Variants in ETV1 observed in about 807,000 individuals in gnomAD.
ETV1 encodes the protein ETS translocation variant 1.
In ETV1, 27 loss-of-function variants were observed where a neutral mutation model predicts 62.3. The ratio of observed to expected loss-of-function variants is 0.43; its 90% confidence interval spans 0.32 to 0.60. The LOEUF (loss-of-function observed/expected upper bound fraction) is 0.60, where lower values mean the gene tolerates loss of function less well. Among genes scored for constraint, ETV1 ranks in the 20% least tolerant of loss-of-function variants. The pLI is 0.06. For synonymous variants in ETV1, 222 were observed against 199.6 expected (o/e 1.11, Z -0.94); for missense variants, 605 against 605.8 (o/e 1.00, Z 0.01).
intron 13 of ETV1, 94 bp downstream of exon 13, chr7:13,900,644 C>T (rs1018130287): frequency 2.3e-6 from 2 of 876,478 alleles, no homozygotes; most frequent in African/African-American, 1.7e-5. Context: ...GAAAAACTCG[C>T]TTCAGCAATG....
At chr7:13,917,046 A>C (rs1784252856) in intron 9 of ETV1, among the ~76,000 whole-genome samples, 1 of 152,266 alleles carries the variant, frequency 6.6e-6, no homozygotes, top group Non-Finnish European at 1.5e-5. Context: ...TTAAGGCTAC[A>C]TGGCGAAAAA....
intron 8 of ETV1, among the ~76,000 whole-genome samples, chr7:13,932,916 C>T (rs1195716988): frequency 6.6e-6 from 1 of 152,164 alleles, no homozygotes; most frequent in East Asian, 1.9e-4. Context: ...TCTAAGAACA[C>T]TCCATCCTGT....
In ETV1 at chr7:13,895,976, T is replaced by C. The variant is rs1348279586; in HGVS notation, c.1324A>G (p.Ile442Val). Residue 442 changes from isoleucine to valine, a missense_variant, in exon 14 of 14, where the codon ATC (isoleucine) becomes GTC (valine). Ile to Val is a conservative substitution (Grantham distance 29, BLOSUM62 3). Around this residue, in one of 3 missense-constraint regions of ETV1, gnomAD observed 79 missense variants for 71.6 expected, o/e 1.10. Coordinates refer to ENST00000430479, the MANE Select transcript of ETV1 (RefSeq NM_004956.5). ...AGAGGCACTGTGTCCTCCTCGTTGATGTGACGTTCCATGTCTGTCTTCAGC... is the reference window on the plus strand; with the variant it reads ...AGAGGCACTGTGTCCTCCTCGTTGACGTGACGTTCCATGTCTGTCTTCAGC... ...PLLKTDMERH[I>V]NEEDTVPLSH... 6.2e-7 allele frequency: 1 copy of C among 1,613,770 alleles called. No individual in the cohort carries two copies. Among genetic ancestry groups the C allele is most frequent in the Admixed American group, 1.7e-5 (1 of 59,974 alleles).
chr7:13,932,091 C>T (rs1786256065), intron 8 of ETV1, among the ~76,000 whole-genome samples: 1 of 151,560 alleles, frequency 6.6e-6, no homozygotes. Context: ...GCTAAAATGC[C>T]TAGTTCTAAA....
chr7:13,927,127 C>G (rs563313139), intron 9 of ETV1, among the ~76,000 whole-genome samples: 1 of 152,202 alleles, frequency 6.6e-6, no homozygotes, highest in African/African-American at 2.4e-5. Context: ...GCCTTTGGAT[C>G]ATAGATGCTG....
intron 12 of ETV1, 29 bp downstream of exon 12, chr7:13,906,401 G>A (rs374550516): frequency 2.1e-6 from 3 of 1,428,580 alleles, no homozygotes; most frequent in Non-Finnish European, 2.8e-6. Context: ...ACATGTCTGA[G>A]TGTCCTAATT....
chr7:13,912,033 C>A (rs532590525), intron 9 of ETV1, among the ~76,000 whole-genome samples: 2 of 152,196 alleles, frequency 1.3e-5, no homozygotes, highest in Non-Finnish European at 2.9e-5. Flanking sequence ...AATAACTCTG[C>A]CATCAGCTCA....
At chr7:13,905,530 A>G (rs1412827049) in intron 12 of ETV1, among the ~76,000 whole-genome samples, 1 of 152,162 alleles carries the variant, frequency 6.6e-6, no homozygotes, top group Non-Finnish European at 1.5e-5. Flanking sequence ...AGCAGTCCAA[A>G]ATGCTATTGA....
intron 13 of ETV1, among the ~76,000 whole-genome samples, chr7:13,898,490 T>A (rs2128402987): frequency 6.6e-6 from 1 of 152,356 alleles, no homozygotes; most frequent in Admixed American, 6.5e-5. Flanking sequence ...TTCCTAATTT[T>A]GAAATAGAAG....
At chr7:13,945,764 GCGGTTTTC>G (rs1788087855) in intron 6 of ETV1, among the ~76,000 whole-genome samples, 3 of 152,162 alleles carry the variant, frequency 2.0e-5, no homozygotes, top group Non-Finnish European at 4.4e-5. Flanking sequence ...CTGCTAACAG[GCGGTTTTC>G]CAGTTCATTG....
At chr7:13,923,728 G>T (rs1785106347) in intron 9 of ETV1, among the ~76,000 whole-genome samples, 2 of 152,038 alleles carry the variant, frequency 1.3e-5, no homozygotes, top group African/African-American at 4.8e-5. Context: ...GGTGAATAAT[G>T]GATGGATTTT....
intron 11 of ETV1, chr7:13,907,792 C>T (rs551898439): frequency 4.9e-5 from 23 of 468,482 alleles, no homozygotes; most frequent in African/African-American, 4.2e-4. Context: ...CTAAAACTTA[C>T]CTATGGTCAG....
At chr7:13,986,453 G>C (rs1336452627) in intron 5 of ETV1, 185 bp downstream of exon 5, 1 of 1,503,254 alleles carries the variant, frequency 6.7e-7, no homozygotes, top group African/African-American at 1.4e-5. Context: ...TGATGACACT[G>C]GGTAGTACAG....
chr7:13,914,185 G>A (rs960505218), intron 9 of ETV1, among the ~76,000 whole-genome samples: 2 of 151,834 alleles, frequency 1.3e-5, no homozygotes, highest in Non-Finnish European at 2.9e-5. Flanking sequence ...GCGCCCGGCC[G>A]GGGGTACCTC....
intron 7 of ETV1, among the ~76,000 whole-genome samples, chr7:13,938,530 T>C (rs1787079307): frequency 6.6e-6 from 1 of 152,228 alleles, no homozygotes; most frequent in Non-Finnish European, 1.5e-5. Flanking sequence ...TCATACAATT[T>C]ACTTTGAAGG....
At chr7:13,981,512 CAT>C (rs1781983967) in intron 5 of ETV1, among the ~76,000 whole-genome samples, 1 of 121,872 alleles carries the variant, frequency 8.2e-6, no homozygotes, top group African/African-American at 3.1e-5. Context: ...TACATACATA[CAT>C]ACATACATAC....
intron 5 of ETV1, among the ~76,000 whole-genome samples, chr7:13,984,926 A>T (rs1415836685): frequency 4.5e-5 from 5 of 111,130 alleles, no homozygotes; most frequent in African/African-American, 1.8e-4. Context: ...GTAAGTCAAA[A>T]GTTAAAAAAA....
At chr7:13,983,614 T>A (rs1364783337) in intron 5 of ETV1, among the ~76,000 whole-genome samples, 3 of 114,302 alleles carry the variant, frequency 2.6e-5, no homozygotes, top group Non-Finnish European at 3.6e-5. Context: ...ATTGGCATAT[T>A]CCCTGACTTT....
intron 9 of ETV1, among the ~76,000 whole-genome samples, chr7:13,929,418 C>A (rs1293384543): frequency 6.6e-6 from 1 of 152,196 alleles, no homozygotes; most frequent in African/African-American, 2.4e-5. Context: ...CCATAACAAC[C>A]TCTCAGCCAT....
Sources: allele counts gnomAD v4.1 joint callset (sites outside exome capture counted in the v4.1 genomes callset), GRCh38; gene constraint gnomAD v4.1.1; regional missense constraint gnomAD v4.1.1; transcripts MANE v1.5; gene names NCBI Gene and HGNC (gene_info 2026-07-23, HGNC 2026-07-21).